Variants in RIN3 observed in about 807,000 individuals in gnomAD.
RIN3 encodes RAB5 interacting protein 3.
Under a neutral mutation model 76.3 loss-of-function variants are expected in RIN3, and 54 were observed. That is an observed-to-expected ratio of 0.71 (90% CI 0.57 to 0.89). The LOEUF is 0.89. Ranked by LOEUF, RIN3 falls within the 40% of genes least tolerant of loss-of-function variation. The pLI is 0.00. For synonymous variants in RIN3, 576 were observed against 564.0 expected (o/e 1.02, Z -0.30); for missense variants, 1,256 against 1,322.1 (o/e 0.95, Z 0.78).
intron 1 of RIN3, among the ~76,000 whole-genome samples, chr14:92,521,540 A>G (rs1896597562): frequency 6.6e-6 from 1 of 152,160 alleles, no homozygotes; most frequent in Middle Eastern, 3.4e-3. Flanking sequence ...CTGGTTGTTT[A>G]CAAGAGCCTG....
intron 4 of RIN3, chr14:92,615,694 C>A (rs530252670): frequency 3.6e-6 from 2 of 556,528 alleles, no homozygotes; most frequent in East Asian, 6.0e-5. Flanking sequence ...CCCTTCCACA[C>A]CTGCCCCTCT....
At position 92,643,245 on chromosome 14, in the gene RIN3, G is replaced by C. The variant is rs150983928; in HGVS notation, c.532+1916G>C. 0.011 allele frequency among the ~76,000 whole-genome samples: 1,655 copies of C among 152,108 alleles called. 13 individuals carry two copies. The highest frequency in any genetic ancestry group is 0.018 in the Non-Finnish European group (1,237 of 67,988). ...ATTTTTGTATTTTTAGTAGAGACAG[G>C]GTTTCACCATATTGGTCAGGCTGGT... On this transcript the variant is annotated intron_variant, in intron 5 of 9. Transcript: ENST00000216487. This position sits in a 1 kb window ranked among gnomAD's most constrained non-coding sequence, Gnocchi z 4.8.
At chr14:92,570,945 G>A (rs1000936429) in intron 2 of RIN3, among the ~76,000 whole-genome samples, 18 of 152,220 alleles carry the variant, frequency 1.2e-4, no homozygotes, top group Admixed American at 2.0e-4. Context: ...TTAGCCTAAC[G>A]CTGCCTCTTT....
intron 8 of RIN3, among the ~76,000 whole-genome samples, chr14:92,678,868 G>C (rs1174034420): frequency 2.0e-5 from 3 of 152,154 alleles, no homozygotes; most frequent in African/African-American, 7.2e-5. Flanking sequence ...TTCTTCCTTG[G>C]TTTCCCCAAG....
intron 6 of RIN3, among the ~76,000 whole-genome samples, chr14:92,658,860 T>G (rs776548314): frequency 3.9e-5 from 6 of 152,200 alleles, no homozygotes; most frequent in Admixed American, 6.5e-5. Context: ...TCTGAAGTTA[T>G]GTACTCATAG....
chr14:92,597,207 C>CT (rs1885180449), intron 3 of RIN3, among the ~76,000 whole-genome samples: 1 of 152,064 alleles, frequency 6.6e-6, no homozygotes. Flanking sequence ...AAAGCTGTGT[C>CT]TTTTTTTGGC....
At chr14:92,629,380 C>T (rs1414380667) in intron 4 of RIN3, among the ~76,000 whole-genome samples, 1 of 152,244 alleles carries the variant, frequency 6.6e-6, no homozygotes, top group South Asian at 2.1e-4. Flanking sequence ...TGAAAGTACA[C>T]TCCACAGTGT....
chr14:92,530,875 C>T (rs1315260841), intron 1 of RIN3, among the ~76,000 whole-genome samples: 3 of 152,246 alleles, frequency 2.0e-5, no homozygotes, highest in Middle Eastern at 3.4e-3. Context: ...TCTATGTGGA[C>T]AACCCAGGTG....
chr14:92,687,844 T>C, intron 9 of RIN3, 82 bp from the exon 10 acceptor site: 1 of 1,289,152 alleles, frequency 7.8e-7, no homozygotes, highest in East Asian at 2.8e-5. Context: ...CCGCTATCCA[T>C]CCAGGGAGGG....
chr14:92,626,801 C>T (rs1427770351), intron 4 of RIN3, among the ~76,000 whole-genome samples: 2 of 152,064 alleles, frequency 1.3e-5, no homozygotes, highest in African/African-American at 4.8e-5. Flanking sequence ...GTTGGGATCC[C>T]TCTGCCTAGG....
At chr14:92,664,364 C>CTTTTTTTTTTTTTTTTTTT (rs373597134) in intron 7 of RIN3, among the ~76,000 whole-genome samples, 5 of 84,446 alleles carry the variant, frequency 5.9e-5, no homozygotes, top group Non-Finnish European at 1.2e-4. Flanking sequence ...TTCTTTCTTT[C>CTTTTTTTTTTTTTTTTTTT]TTTTTTTTTT....
chr14:92,528,497 G>C (rs1896805093), intron 1 of RIN3, among the ~76,000 whole-genome samples: 1 of 152,176 alleles, frequency 6.6e-6, no homozygotes, highest in Non-Finnish European at 1.5e-5. Context: ...AGTAGGCGTT[G>C]TTTCCATGGT....
chr14:92,621,915 A>T (rs1218334471), intron 4 of RIN3, among the ~76,000 whole-genome samples: 1 of 152,240 alleles, frequency 6.6e-6, no homozygotes, highest in East Asian at 1.9e-4. Flanking sequence ...ACCCCAATAG[A>T]TAAGCCAATG....
intron 3 of RIN3, among the ~76,000 whole-genome samples, chr14:92,592,771 G>A (rs1371260145): frequency 1.3e-5 from 2 of 151,366 alleles, no homozygotes; most frequent in Non-Finnish European, 2.9e-5. Flanking sequence ...TGCCTCCTGG[G>A]TTGAAGAGAT....
intron 1 of RIN3, among the ~76,000 whole-genome samples, chr14:92,548,231 T>G (rs953748012): frequency 6.6e-6 from 1 of 152,186 alleles, no homozygotes; most frequent in African/African-American, 2.4e-5. Context: ...ACATGAAATT[T>G]TTTTTTTAAA....
chr14:92,545,690 T>C (rs1053802827), intron 1 of RIN3, among the ~76,000 whole-genome samples: 8 of 150,260 alleles, frequency 5.3e-5, no homozygotes, highest in African/African-American at 2.0e-4. Flanking sequence ...CAGGTGATCC[T>C]CCCACCTCAG....
chr14:92,538,661 C>T (rs1005898497), intron 1 of RIN3, among the ~76,000 whole-genome samples: 2 of 152,142 alleles, frequency 1.3e-5, no homozygotes, highest in African/African-American at 2.4e-5. Flanking sequence ...CTACACTGTG[C>T]GGTCTTAGCC....
intron 1 of RIN3, among the ~76,000 whole-genome samples, chr14:92,547,490 G>T (rs1332695594): frequency 1.3e-5 from 2 of 150,092 alleles, no homozygotes; most frequent in Non-Finnish European, 2.9e-5. Context: ...AACCTCCTAG[G>T]CTCAAGCGAT....
At chr14:92,672,690 A>G (rs933082566) in intron 7 of RIN3, among the ~76,000 whole-genome samples, 12 of 135,812 alleles carry the variant, frequency 8.8e-5, no homozygotes, top group Middle Eastern at 7.5e-3. Context: ...GTGTGTGTGT[A>G]TACACATAAT....
Sources: allele counts gnomAD v4.1 joint callset (sites outside exome capture counted in the v4.1 genomes callset), GRCh38; gene constraint gnomAD v4.1.1; non-coding constraint Gnocchi (gnomAD v3.1); transcripts MANE v1.5; gene names NCBI Gene and HGNC (gene_info 2026-07-23, HGNC 2026-07-21).